The following A2ML1 variants were observed in gnomAD, a reference collection of about 807,000 sequenced individuals.
A2ML1 encodes alpha-2-macroglobulin-like protein 1.
A2ML1 carries 161 observed loss-of-function variants against 181.9 expected under a neutral mutation model. That is an observed-to-expected ratio of 0.89 (90% CI 0.78 to 1.01). The LOEUF is 1.01. A2ML1 is among the 50% of genes least tolerant of loss of function. The pLI, the probability that A2ML1 is intolerant of heterozygous loss-of-function variation, is 0.00. For synonymous variants in A2ML1, 663 were observed against 666.8 expected, an observed-to-expected ratio of 0.99 and a Z score of 0.09; for missense variants, 1,670 against 1,768.1, an observed-to-expected ratio of 0.94 and a Z score of 1.00.
At chr12:8,872,151 C>T (rs1041071050) in intron 33 of A2ML1, among the ~76,000 whole-genome samples, 3 of 151,040 alleles carry the variant, frequency 2.0e-5, no homozygotes, top group Admixed American at 6.6e-5. Context: ...TGCACTCCAG[C>T]CTGGGCAACG....
intron 32 of A2ML1, among the ~76,000 whole-genome samples, chr12:8,868,844 ATATG>A (rs1366146701): frequency 2.6e-5 from 4 of 152,196 alleles, no homozygotes; most frequent in East Asian, 3.9e-4. Context: ...GTGATTATAT[ATATG>A]TGTGTGTATA....
intron 7 of A2ML1, among the ~76,000 whole-genome samples, chr12:8,836,644 T>C (rs1178345684): frequency 6.6e-6 from 1 of 151,910 alleles, no homozygotes; most frequent in East Asian, 2.0e-4. Context: ...CCACCATGCC[T>C]GGCTAATGTT....
chr12:8,881,202 A>G (rs937346175), downstream of A2ML1, among the ~76,000 whole-genome samples: 7 of 152,218 alleles, frequency 4.6e-5, no homozygotes, highest in African/African-American at 1.7e-4. Context: ...GAGAAAAGAC[A>G]GATGAAAGGG....
chr12:8,873,123 G>A (rs988821710), intron 33 of A2ML1, among the ~76,000 whole-genome samples: 1 of 151,958 alleles, frequency 6.6e-6, no homozygotes, highest in African/African-American at 2.4e-5. Flanking sequence ...ATGCAATCTC[G>A]GGGATCCCTG....
rs755774357 is a variant in A2ML1 at position 8,836,141 on chromosome 12, C to T, written c.644-114C>T. On this transcript the variant is annotated intron_variant, in intron 6 of 35. Coordinates refer to ENST00000299698, the MANE Select transcript of A2ML1 (RefSeq NM_144670.6). Reference sequence around the variant, plus strand: ...CAGGAACATGCTACCTAAATAATGCCTCCTTCATTAGATCCATTAATTTAA... The same window carrying T: ...CAGGAACATGCTACCTAAATAATGCTTCCTTCATTAGATCCATTAATTTAA... The T allele has an allele frequency of 8.1e-5, 62 of 768,706 alleles. No homozygotes were observed. In the African/African-American group the frequency reaches 9.3e-4, roughly 11 times the overall value. 47.6% of individuals were successfully genotyped at this position (768,706 alleles called of 1,614,324 possible). A position where few individuals can be genotyped will look rare whatever the true frequency, so the allele number is the denominator to read the frequency against.
intron 31 of A2ML1, 86 bp downstream of exon 31, chr12:8,868,443 T>G: frequency 6.4e-7 from 1 of 1,551,802 alleles, no homozygotes; most frequent in East Asian, 2.3e-5. Context: ...TGTGTCTGTG[T>G]ATGTGTGTGT....
intron 7 of A2ML1, among the ~76,000 whole-genome samples, chr12:8,885,588 G>A (rs1288004703): frequency 2.6e-5 from 4 of 151,974 alleles, no homozygotes; most frequent in African/African-American, 7.3e-5. Context: ...CTCCTGAATA[G>A]CTGGGACCAC....
intron 3 of A2ML1, among the ~76,000 whole-genome samples, chr12:8,826,767 C>T (rs779579091): frequency 5.3e-5 from 8 of 152,030 alleles, no homozygotes; most frequent in Non-Finnish European, 7.4e-5. Flanking sequence ...TACAGGTGAG[C>T]GCCACCACCC....
At chr12:8,835,412 G>GT in intron 5 of A2ML1, 95 bp from the exon 6 acceptor site, 11 of 1,527,906 alleles carry the variant, frequency 7.2e-6, no homozygotes, top group Non-Finnish European at 8.9e-6. Flanking sequence ...AATGGGTGGG[G>GT]TTTTTTACCT....
chr12:8,863,708 C>A, intron 28 of A2ML1, 86 bp from the exon 29 acceptor site: 1 of 1,344,718 alleles, frequency 7.4e-7, no homozygotes, highest in African/African-American at 1.4e-5. Flanking sequence ...GGTACTTACT[C>A]TGCTCTAAGA....
In A2ML1 at chr12:8,843,070, A is replaced by T. The variant is rs775689025; in HGVS notation, c.1249-64A>T. On this transcript the variant is annotated intron_variant, in intron 11 of 35. Coordinates refer to ENST00000299698, the MANE Select transcript of A2ML1 (RefSeq NM_144670.6). The stretch of plus-strand genomic sequence containing the variant: ...AAGAGCTCTATTTGAAAACCGTAAC[A>T]AGTCCGTGGGGTTTCCATGGTTGGA... 4.3e-5 allele frequency: 62 copies of T among 1,444,362 alleles called. 1 individual carries two copies. The South Asian group carries it at 6.8e-4, about 16-fold the overall frequency. The allele number at this position is 1,444,362 out of a possible 1,614,324, so 89.5% of individuals were successfully genotyped here.
At chr12:8,873,522 A>T (rs1257066845) in intron 33 of A2ML1, among the ~76,000 whole-genome samples, 2 of 152,210 alleles carry the variant, frequency 1.3e-5, no homozygotes, top group Non-Finnish European at 2.9e-5. Flanking sequence ...AATAGATATG[A>T]TACCTGGCCT....
rs2136837714 is a variant in A2ML1 at position 8,846,191 on chromosome 12, A to G, written c.1652A>G (p.Gln551Arg). Residue 551 changes from glutamine (Q) to arginine (R), a missense_variant, in exon 14 of 36, where the codon CAG (glutamine) becomes CGG (arginine). Gln to Arg is a conservative substitution (Grantham distance 43, BLOSUM62 1). Coordinates refer to ENST00000299698, the MANE Select transcript of A2ML1 (RefSeq NM_144670.6). ...PSGGVVADKI[Q>R]FSVEMCFDNQ... ...GGAGGTGTTGTAGCTGACAAAATTC[A>G]GTTCTCAGTCGAGATGTGCTTTGAC... 6.2e-7 allele frequency: 1 copy of G among 1,614,206 alleles called. No individual in the cohort carries two copies. The highest frequency in any genetic ancestry group is 8.5e-7 in the Non-Finnish European group (1 of 1,180,012).
intron 4 of A2ML1, among the ~76,000 whole-genome samples, chr12:8,833,627 C>G (rs933375481): frequency 6.6e-6 from 1 of 152,048 alleles, no homozygotes; most frequent in African/African-American, 2.4e-5. Context: ...AACTCCTAAC[C>G]TCAGGTGATC....
chr12:8,835,412 G>A (rs1943239535), intron 5 of A2ML1, 95 bp from the exon 6 acceptor site: 2 of 1,527,906 alleles, frequency 1.3e-6, no homozygotes, highest in South Asian at 2.4e-5. Flanking sequence ...AATGGGTGGG[G>A]TTTTTTACCT....
intron 29 of A2ML1, among the ~76,000 whole-genome samples, chr12:8,865,563 C>A (rs1162288896): frequency 2.0e-5 from 3 of 152,074 alleles, no homozygotes; most frequent in Admixed American, 6.5e-5. Flanking sequence ...ACAACAACAA[C>A]AACAACAATT....
rs372562512 is a variant in A2ML1, at chr12:8,861,138, C to T, written c.3343C>T (p.Pro1115Ser). The T allele has an allele frequency of 4.3e-5, 69 of 1,613,922 alleles. No homozygotes were observed. The highest frequency in any genetic ancestry group is 5.5e-5 in the Non-Finnish European group (65 of 1,180,018). The change falls in exon 28 of 36, where the codon CCA (proline) becomes TCA (serine). Residue 1115 changes from proline to serine, a missense_variant. Pro to Ser is a moderately conservative substitution (Grantham distance 74). Transcript: ENST00000299698. ...AGTCTTCATCTTCACTTTTTAGGAC[C>T]CAATGGTGAGTCAGGGTCTACGGTG... ...LLEMGKDVDD[P>S]MVSQGLRCLK...
In A2ML1 at chr12:8,838,319, T is replaced by C; in HGVS notation, c.856-17T>C. On this transcript the variant is annotated splice_polypyrimidine_tract_variant and intron_variant, in intron 8 of 35. Coordinates refer to ENST00000299698, the MANE Select transcript of A2ML1 (RefSeq NM_144670.6). ...TCCTCATCTGCTCTCTATCTCTGTC[T>C]CTGATCACCTCACTAGACTGACAAA... 6.3e-7 allele frequency: 1 copy of C among 1,582,784 alleles called. No individual in the cohort carries two copies. The highest frequency in any genetic ancestry group is 2.2e-5 in the East Asian group (1 of 44,666).
rs765537234 is a variant in A2ML1 at position 8,868,190 on chromosome 12, C to A, written c.3934-40C>A. Reference sequence around the variant, plus strand: ...TTTGAACTGTACAATCTTTAAAGTTCTTTCCAAGTCTGATTTGGCTACCTA... The same window carrying A: ...TTTGAACTGTACAATCTTTAAAGTTATTTCCAAGTCTGATTTGGCTACCTA... On this transcript the variant is annotated intron_variant, in intron 30 of 35. Coordinates refer to ENST00000299698, the MANE Select transcript of A2ML1 (RefSeq NM_144670.6). 10 of 1,612,248 alleles carry A rather than the reference C, an allele frequency of 6.2e-6. 1 individual carries two copies. In the East Asian group the frequency reaches 1.1e-4, roughly 18 times the overall value.
Sources: gnomAD v4.1 joint callset for allele counts (sites outside exome capture counted in the v4.1 genomes callset) on GRCh38, gnomAD v4.1.1 for gene constraint, MANE v1.5 for transcripts, NCBI Gene and HGNC (gene_info 2026-07-23, HGNC 2026-07-21) for gene names.